Variants in MINDY4 observed in about 807,000 individuals in gnomAD.
MINDY4 encodes probable ubiquitin carboxyl-terminal hydrolase MINDY-4.
MINDY4 carries 68 observed loss-of-function variants against 87.0 expected under a neutral mutation model. That is an observed-to-expected ratio of 0.78 (90% CI 0.64 to 0.96). The LOEUF is 0.96. Among genes scored for constraint, MINDY4 ranks in the 40% least tolerant of loss-of-function variants. MINDY4 has a pLI of 0.00. For missense variants in MINDY4, 919 were observed against 928.2 expected (o/e 0.99, Z 0.13); for synonymous variants, 379 against 363.2 (o/e 1.04, Z -0.50).
chr7:30,849,229 C>G (rs1789321369), intron 9 of MINDY4, among the ~76,000 whole-genome samples: 2 of 152,188 alleles, frequency 1.3e-5, no homozygotes, highest in African/African-American at 4.8e-5. Flanking sequence ...TCTTCCTCCC[C>G]AGCACAGTTC....
rs1790486455 is a variant in MINDY4, at chr7:30,882,258, C to T, written c.2049C>T (p.Ser683=). Residue 683 remains serine (S), a synonymous_variant, in exon 16 of 18, where the codon AGC becomes AGT. Coordinates refer to ENST00000265299, the MANE Select transcript of MINDY4 (RefSeq NM_032222.3). ...CSESHFSILF[S]LQPGLLRDWR... ...AGAGCCACTTCAGCATCCTCTTTAGCCTGCAGCCGGGGCTCCTGCGTGACT... is the reference window on the plus strand; with the variant it reads ...AGAGCCACTTCAGCATCCTCTTTAGTCTGCAGCCGGGGCTCCTGCGTGACT... 6.2e-7 allele frequency: 1 copy of T among 1,613,880 alleles called. No homozygotes were observed. The highest frequency in any genetic ancestry group is 1.1e-5 in the South Asian group (1 of 91,080).
chr7:30,826,184 A>G (rs1346773699), intron 5 of MINDY4, among the ~76,000 whole-genome samples: 2 of 152,202 alleles, frequency 1.3e-5, no homozygotes, highest in East Asian at 3.8e-4. Flanking sequence ...TATTTGCAGA[A>G]TCTCTTTTGC....
chr7:30,874,161 A>G (rs559161828), intron 14 of MINDY4, among the ~76,000 whole-genome samples: 1 of 152,310 alleles, frequency 6.6e-6, no homozygotes, highest in South Asian at 2.1e-4. Context: ...TTCTTGTGTC[A>G]CAGGCAGCGC....
intron 15 of MINDY4, among the ~76,000 whole-genome samples, chr7:30,879,792 G>A (rs1484844693): frequency 1.3e-5 from 2 of 152,068 alleles, no homozygotes; most frequent in Non-Finnish European, 2.9e-5. Context: ...TCCTTCATAG[G>A]GCCTCCTCTG....
rs182844561 is a variant in MINDY4 at position 30,805,593 on chromosome 7, G to A, written c.1073+14019G>A. Among the ~76,000 whole-genome samples, 263 of 152,290 alleles carry A rather than the reference G, an allele frequency of 1.7e-3. 2 individuals carry two copies. Among genetic ancestry groups the A allele is most frequent in the African/African-American group, 6.0e-3 (251 of 41,554 alleles). On this transcript the variant is annotated intron_variant, in intron 5 of 17. Transcript: ENST00000265299. ...GCGAGGGAAGAGCCAGTCTCCTGGA[G>A]GCAGGAGGTTGCATTTTCGGACCCT...
chr7:30,798,531 G>C (rs1034750), intron 5 of MINDY4, among the ~76,000 whole-genome samples: 92,237 of 151,770 alleles, frequency 0.61, 29,938 homozygotes, highest in African/African-American at 0.85. Context: ...GAGTCTCGCT[G>C]TGTCGCCCAG....
chr7:30,785,500 G>T (rs571163674), intron 3 of MINDY4, among the ~76,000 whole-genome samples: 1 of 152,166 alleles, frequency 6.6e-6, no homozygotes. Flanking sequence ...GACTTGAGGG[G>T]TCCTGTTATG....
intron 1 of MINDY4, among the ~76,000 whole-genome samples, chr7:30,775,969 C>T (rs964068596): frequency 6.6e-6 from 1 of 152,212 alleles, no homozygotes; most frequent in Non-Finnish European, 1.5e-5. Context: ...CATATCCAGT[C>T]CATCAGCAAA....
At chr7:30,850,705 T>A in intron 10 of MINDY4, 150 bp downstream of exon 10, 1 of 713,360 alleles carries the variant, frequency 1.4e-6, no homozygotes, top group Non-Finnish European at 2.4e-6. Flanking sequence ...CCTGATGTGC[T>A]GAGCAGCCGC....
At chr7:30,854,223 A>C (rs1789502998) in intron 12 of MINDY4, among the ~76,000 whole-genome samples, 1 of 152,194 alleles carries the variant, frequency 6.6e-6, no homozygotes, top group Admixed American at 6.5e-5. Flanking sequence ...CAACTTTCTG[A>C]ATCCTTCTGT....
chr7:30,864,998 G>A (rs1277878044), intron 13 of MINDY4, among the ~76,000 whole-genome samples: 1 of 152,174 alleles, frequency 6.6e-6, no homozygotes, highest in Non-Finnish European at 1.5e-5. Flanking sequence ...GGCTCTTGGA[G>A]GTTTAAGTGT....
chr7:30,882,405 G>A, intron 16 of MINDY4, 44 bp downstream of exon 16: 1 of 1,223,940 alleles, frequency 8.2e-7, no homozygotes, highest in Non-Finnish European at 1.0e-6. Flanking sequence ...TGTCCCCAAG[G>A]AGCCTCCAGG....
At chr7:30,852,679 A>G (rs180948605) in intron 11 of MINDY4, among the ~76,000 whole-genome samples, 1 of 152,350 alleles carries the variant, frequency 6.6e-6, no homozygotes, top group East Asian at 1.9e-4. Flanking sequence ...GAGGAACTTT[A>G]ATAGCATGGA....
At chr7:30,835,174 A>G (rs967600263) in intron 6 of MINDY4, among the ~76,000 whole-genome samples, 3 of 152,230 alleles carry the variant, frequency 2.0e-5, no homozygotes, top group African/African-American at 4.8e-5. Flanking sequence ...CAATTTACAA[A>G]AGAAAGTTTA....
intron 17 of MINDY4, among the ~76,000 whole-genome samples, chr7:30,884,789 G>C (rs566028242): frequency 6.6e-6 from 1 of 152,334 alleles, no homozygotes; most frequent in East Asian, 1.9e-4. Context: ...CTTGGGCTCA[G>C]CTCTAATTGA....
intron 3 of MINDY4, among the ~76,000 whole-genome samples, chr7:30,782,938 T>A (rs1787049052): frequency 6.6e-6 from 1 of 152,214 alleles, no homozygotes; most frequent in South Asian, 2.1e-4. Context: ...TAAAGTCAAC[T>A]GATTGTAAAT....
chr7:30,819,627 G>T (rs902746734), intron 5 of MINDY4, among the ~76,000 whole-genome samples: 2 of 152,068 alleles, frequency 1.3e-5, no homozygotes. Context: ...TCGTAGTTCT[G>T]TCAAATTTTT....
chr7:30,870,414 A>G (rs55905317), intron 13 of MINDY4, among the ~76,000 whole-genome samples: 7,211 of 152,288 alleles, frequency 0.047, 200 homozygotes, highest in Middle Eastern at 0.082. Context: ...GCGAAGCGCT[A>G]TGCTCTGCCA....
intron 13 of MINDY4, among the ~76,000 whole-genome samples, chr7:30,863,220 T>C (rs1789822767): frequency 6.6e-6 from 1 of 152,232 alleles, no homozygotes; most frequent in African/African-American, 2.4e-5. Flanking sequence ...TGAAAACATG[T>C]CCTGGTAGCA....
Sources: gnomAD v4.1 joint callset for allele counts (sites outside exome capture counted in the v4.1 genomes callset) on GRCh38, gnomAD v4.1.1 for gene constraint, MANE v1.5 for transcripts, NCBI Gene and HGNC (gene_info 2026-07-23, HGNC 2026-07-21) for gene names.